Variants in MAML1 observed in about 807,000 individuals in gnomAD.
MAML1 encodes the protein mastermind-like protein 1.
A neutral mutation model predicts 77.1 loss-of-function variants in MAML1; 14 were observed. That is an observed-to-expected ratio of 0.18 (90% CI 0.12 to 0.28). The LOEUF (loss-of-function observed/expected upper bound fraction) is 0.28, where lower values mean the gene tolerates loss of function less well. Among genes scored for constraint, MAML1 ranks in the 10% least tolerant of loss-of-function variants. The probability of loss-of-function intolerance (pLI) is 1.00; values close to 1 mark genes in which losing one functional copy is unlikely to be tolerated. For missense variants in MAML1, 1,217 were observed against 1,327.8 expected, an observed-to-expected ratio of 0.92 and a Z score of 1.30; for synonymous variants, 516 against 551.9, an observed-to-expected ratio of 0.93 and a Z score of 0.91.
chr5:179,761,080 C>T (rs999576189), intron 1 of MAML1, among the ~76,000 whole-genome samples: 12 of 116,884 alleles, frequency 1.0e-4, no homozygotes, highest in East Asian at 5.2e-4. Flanking sequence ...GGTGACAGAG[C>T]GAGTCTCCGT....
chr5:179,753,184 AGTGTGTGTGT>A (rs59680995), intron 1 of MAML1, among the ~76,000 whole-genome samples: 1,601 of 120,578 alleles, frequency 0.013, 17 homozygotes, highest in South Asian at 0.039. Context: ...GCTATTTTTT[AGTGTGTGTGT>A]GTGTGTGTGT....
chr5:179,768,807 A>T (rs1460416146), intron 2 of MAML1, 43 bp from the exon 3 acceptor site: 12 of 1,609,810 alleles, frequency 7.5e-6, no homozygotes, highest in Non-Finnish European at 8.5e-6. Context: ...ATTTGGTCTG[A>T]TCAGAGCTTA....
chr5:179,751,218 C>T (rs1420623474), intron 1 of MAML1, among the ~76,000 whole-genome samples: 3 of 151,872 alleles, frequency 2.0e-5, no homozygotes, highest in East Asian at 2.0e-4. Context: ...GGTGATCCAC[C>T]CGCCTCGGCC....
At position 179,774,925 on chromosome 5, in the gene MAML1, T is replaced by C; in HGVS notation, c.*48T>C. 6.6e-7 allele frequency: 1 copy of C among 1,526,204 alleles called. No individual in the cohort carries two copies. The highest frequency in any genetic ancestry group is 8.8e-7 in the Non-Finnish European group (1 of 1,139,142). The allele number at this position is 1,526,204 out of a possible 1,614,324, so 94.5% of individuals were successfully genotyped here. Reference sequence around the variant, plus strand: ...AGTGTTCATTCATCCTATATTTTTATTCTCAGATTCAAAGAAAGAGCAACT... The same window carrying C: ...AGTGTTCATTCATCCTATATTTTTACTCTCAGATTCAAAGAAAGAGCAACT... On this transcript the variant is annotated 3_prime_UTR_variant, in exon 5 of 5. Transcript: ENST00000292599.
chr5:179,750,325 CTCTT>C lies in MAML1; in HGVS notation c.316-14999_316-14996del, dbSNP rs978600927. ...TGGAATCATAAGTCCCACCAACTCT[CTCTT>C]TGAGTGATTTGTTTTCTCGGGAGTA... is the stretch of plus-strand genomic sequence containing the variant. On this transcript the variant is annotated intron_variant, in intron 1 of 4. Coordinates refer to ENST00000292599, the MANE Select transcript of MAML1 (RefSeq NM_014757.5). Among the ~76,000 whole-genome samples, 10 of 152,284 alleles carry C rather than the reference CTCTT, an allele frequency of 6.6e-5. No individual in the cohort carries two copies. In the South Asian group the frequency reaches 1.5e-3, roughly 22 times the overall value.
chr5:179,765,211 C>CTA, intron 1 of MAML1, 115 bp from the exon 2 acceptor site: 2 of 842,150 alleles, frequency 2.4e-6, no homozygotes, highest in Admixed American at 2.7e-5. Flanking sequence ...GGAGTGTACA[C>CTA]TATGCAAGCA....
chr5:179,733,066 G>C lies in MAML1; in HGVS notation c.-47G>C. 1 of 1,183,234 alleles carries C rather than the reference G, an allele frequency of 8.5e-7. No homozygotes were observed. The highest frequency in any genetic ancestry group is 1.1e-6 in the Non-Finnish European group (1 of 937,594). The allele number at this position is 1,183,234 out of a possible 1,614,324, so 73.3% of individuals were successfully genotyped here. ...GGAGCGAAGCCCGCAGTGCCAGCCG[G>C]CCCCGAGAGGCCCGGCCCCGGGCCC... On this transcript the variant is annotated 5_prime_UTR_variant, in exon 1 of 5. Transcript: ENST00000292599.
chr5:179,770,404 G>A (rs1381791065), intron 3 of MAML1, among the ~76,000 whole-genome samples: 1 of 151,788 alleles, frequency 6.6e-6, no homozygotes, highest in Non-Finnish European at 1.5e-5. Flanking sequence ...CAGAGATCGC[G>A]CCACTGCACT....
intron 1 of MAML1, among the ~76,000 whole-genome samples, chr5:179,753,071 C>G (rs755629153): frequency 2.6e-5 from 4 of 152,164 alleles, no homozygotes; most frequent in Non-Finnish European, 4.4e-5. Flanking sequence ...CAGCACCTGG[C>G]CCATCTGTGG....
chr5:179,753,032 C>A (rs1444912574), intron 1 of MAML1, among the ~76,000 whole-genome samples: 2 of 152,188 alleles, frequency 1.3e-5, no homozygotes, highest in African/African-American at 2.4e-5. Flanking sequence ...CTTGGCCTCC[C>A]AAAGTGCTGG....
At chr5:179,734,713 C>T (rs1779132341) in intron 1 of MAML1, among the ~76,000 whole-genome samples, 1 of 152,112 alleles carries the variant, frequency 6.6e-6, no homozygotes, top group African/African-American at 2.4e-5. Flanking sequence ...CTCACTGCAG[C>T]CTCAACCTTC....
chr5:179,760,615 A>G (rs1779707021), intron 1 of MAML1, among the ~76,000 whole-genome samples: 1 of 152,038 alleles, frequency 6.6e-6, no homozygotes, highest in Admixed American at 6.6e-5. Flanking sequence ...CAGTCATGGG[A>G]ATTTGAAGGC....
rs780775920 is a variant in MAML1, at chr5:179,765,611, G to A, written c.601G>A (p.Gly201Ser). ...LADSSLHLNG[G>S]SNPSESFPLS... ...TGACTCCAGCCTTCACTTGAATGGA[G>A]GCAGTAACCCCAGTGAGTCATTTCC... is the stretch of plus-strand genomic sequence containing the variant. Residue 201 changes from glycine (G) to serine (S), a missense_variant, in exon 2 of 5, where the codon GGC becomes AGC. Physicochemically the swap from Gly to Ser is moderately conservative, Grantham distance 56 (BLOSUM62 0). Transcript: ENST00000292599. 16 of 1,614,196 alleles carry A rather than the reference G, an allele frequency of 9.9e-6. No individual in the cohort carries two copies. Among genetic ancestry groups the A allele is most frequent in the Middle Eastern group, 1.6e-4 (1 of 6,062 alleles).
At chr5:179,759,210 T>C (rs1417267085) in intron 1 of MAML1, among the ~76,000 whole-genome samples, 1 of 152,170 alleles carries the variant, frequency 6.6e-6, no homozygotes, top group Non-Finnish European at 1.5e-5. Flanking sequence ...GTGGGATCAA[T>C]TCACCAAGTC....
At chr5:179,750,687 C>T (rs1779471358) in intron 1 of MAML1, among the ~76,000 whole-genome samples, 1 of 152,196 alleles carries the variant, frequency 6.6e-6, no homozygotes, top group Non-Finnish European at 1.5e-5. Flanking sequence ...TCTCGAACTC[C>T]TGAGTGCAAA....
chr5:179,747,776 A>G (rs1233952056), intron 1 of MAML1, among the ~76,000 whole-genome samples: 1 of 121,112 alleles, frequency 8.3e-6, no homozygotes, highest in Admixed American at 1.2e-4. Flanking sequence ...GTCCCACTGC[A>G]CTCCAGCCTG....
chr5:179,750,777 G>A (rs1779473579), intron 1 of MAML1, among the ~76,000 whole-genome samples: 1 of 151,960 alleles, frequency 6.6e-6, no homozygotes, highest in Non-Finnish European at 1.5e-5. Context: ...TGGATAAATT[G>A]AATGAGATGA....
At position 179,775,326 on chromosome 5, in the gene MAML1, G is replaced by A; in HGVS notation, c.*449G>A. 2.0e-6 allele frequency: 2 copies of A among 977,474 alleles called. No homozygotes were observed. The highest frequency in any genetic ancestry group is 2.4e-6 in the Non-Finnish European group (2 of 824,968). 60.6% of individuals were successfully genotyped at this position (977,474 alleles called of 1,614,324 possible). A position where few individuals can be genotyped will look rare whatever the true frequency, so the allele number is the denominator to read the frequency against. Reference sequence around the variant, plus strand: ...TATTTGCAATTTGTAGCATAGAAAAGATTTTTAAATTTTTTTACAAAAGGT... The same window carrying A: ...TATTTGCAATTTGTAGCATAGAAAAAATTTTTAAATTTTTTTACAAAAGGT... On this transcript the variant is annotated 3_prime_UTR_variant, in exon 5 of 5. Transcript: ENST00000292599.
rs142619738 is a variant in MAML1, at chr5:179,765,726, A to G, written c.716A>G (p.Asn239Ser). 1.2e-6 allele frequency: 2 copies of G among 1,613,952 alleles called. No homozygotes were observed. The highest frequency in any genetic ancestry group is 1.1e-5 in the South Asian group (1 of 91,068). The change falls in exon 2 of 5, where the codon AAC becomes AGC. Residue 239 changes from asparagine (N) to serine (S), a missense_variant. Coordinates refer to ENST00000292599, the MANE Select transcript of MAML1 (RefSeq NM_014757.5). ...ACTGTCGGCTCCATATCGCAAAGCA[A>G]CCTCATGCCAGACCTCAACCTTAAC... ...TGTVGSISQS[N>S]LMPDLNLNEQ... is the part of the protein sequence containing the mutation.
Sources: allele counts gnomAD v4.1 joint callset (sites outside exome capture counted in the v4.1 genomes callset), GRCh38; gene constraint gnomAD v4.1.1; transcripts MANE v1.5; gene names NCBI Gene and HGNC (gene_info 2026-07-23, HGNC 2026-07-21).